Variants in AGAP1 observed in about 807,000 individuals in gnomAD.
AGAP1 encodes ArfGAP with GTPase domain, ankyrin repeat and PH domain 1.
A neutral mutation model predicts 105.3 loss-of-function variants in AGAP1; 29 were observed. That is an observed-to-expected ratio of 0.28 (90% CI 0.21 to 0.38). AGAP1 has a LOEUF of 0.38. Ranked by LOEUF, AGAP1 falls within the 10% of genes least tolerant of loss-of-function variation. The pLI is 1.00. For synonymous variants in AGAP1, 509 were observed against 485.9 expected, an observed-to-expected ratio of 1.05 and a Z score of -0.63; for missense variants, 998 against 1,165.1, an observed-to-expected ratio of 0.86 and a Z score of 2.09.
chr2:235,562,448 G>A (rs2149138264), intron 1 of AGAP1, among the ~76,000 whole-genome samples: 1 of 152,190 alleles, frequency 6.6e-6, no homozygotes, highest in Admixed American at 6.5e-5. Flanking sequence ...AGCACGGATT[G>A]CACGTGTTTC....
intron 11 of AGAP1, among the ~76,000 whole-genome samples, chr2:235,909,792 G>A (rs574172374): frequency 1.6e-3 from 241 of 152,224 alleles, no homozygotes; most frequent in Middle Eastern, 0.01. Flanking sequence ...AGGCTGAGGC[G>A]GGTGGATCGC....
rs1168809537 is a variant in AGAP1 at position 235,992,131 on chromosome 2, G to C, written c.1645+23508G>C. 6.6e-6 allele frequency among the ~76,000 whole-genome samples: 1 copy of C among 152,236 alleles called. No individual in the cohort carries two copies. The highest frequency in any genetic ancestry group is 1.5e-5 in the Non-Finnish European group (1 of 68,046). ...TCACGAGACCCAGATAACAGGAGTG[G>C]TTAGAAGCGCAGCGGAGGAGCCTGT... On this transcript the variant is annotated intron_variant, in intron 13 of 17. Coordinates refer to ENST00000304032, the MANE Select transcript of AGAP1 (RefSeq NM_001037131.3). The surrounding 1 kb of genome is among the most constrained non-coding windows in gnomAD (Gnocchi z 4.8).
rs1361040583 is a variant in AGAP1, at chr2:235,963,665, A to T, written c.1484-4797A>T. Among the ~76,000 whole-genome samples, 1 of 152,162 alleles carries T rather than the reference A, an allele frequency of 6.6e-6. No individual in the cohort carries two copies. The highest frequency in any genetic ancestry group is 2.4e-5 in the African/African-American group (1 of 41,438). On this transcript the variant is annotated intron_variant, in intron 12 of 17. Coordinates refer to ENST00000304032, the MANE Select transcript of AGAP1 (RefSeq NM_001037131.3). The surrounding 1 kb of genome is among the most constrained non-coding windows in gnomAD (Gnocchi z 5.1). The stretch of plus-strand genomic sequence containing the variant: ...CACTCTTAGAATCTTCCAGGAGCGG[A>T]TGGTGCATGTTAAGGTGGGAAGCTC...
intron 1 of AGAP1, among the ~76,000 whole-genome samples, chr2:235,697,110 C>T (rs114965318): frequency 0.017 from 2,646 of 152,294 alleles, 71 homozygotes; most frequent in African/African-American, 0.059. Context: ...CTGGGACAGC[C>T]CCAGGCACCA....
At chr2:235,860,990 C>T (rs574442075) in intron 9 of AGAP1, among the ~76,000 whole-genome samples, 2 of 152,300 alleles carry the variant, frequency 1.3e-5, no homozygotes, top group Admixed American at 1.3e-4. Flanking sequence ...CTCTTACCAC[C>T]ACAATATCTG....
intron 13 of AGAP1, among the ~76,000 whole-genome samples, chr2:236,028,548 TTAA>T (rs2057126887): frequency 6.6e-6 from 1 of 152,234 alleles, no homozygotes; most frequent in South Asian, 2.1e-4. Context: ...CATTTTGCAA[TTAA>T]TATTTTTGTA....
rs372649210 is a variant in AGAP1 at position 236,102,585 on chromosome 2, T to TAA, written c.2115-17592_2115-17591dup. The stretch of plus-strand genomic sequence containing the variant: ...CCTGGGCGACAGAGTGAGAGACTGT[T>TAA]AAAAAAAAAAAAAAAAGAAAGAAAG... On this transcript the variant is annotated intron_variant, in intron 16 of 17. Coordinates refer to ENST00000304032, the MANE Select transcript of AGAP1 (RefSeq NM_001037131.3). 7.9e-3 allele frequency among the ~76,000 whole-genome samples: 1,065 copies of TAA among 134,570 alleles called. 14 individuals carry two copies. The highest frequency in any genetic ancestry group is 0.027 in the African/African-American group (1,019 of 37,700). The allele number at this position is 134,570 out of a possible 152,430, so 88.3% of individuals were successfully genotyped here. A position where few individuals can be genotyped will look rare whatever the true frequency, so the allele number is the denominator to read the frequency against.
intron 12 of AGAP1, among the ~76,000 whole-genome samples, chr2:235,954,145 A>G (rs2053850620): frequency 1.3e-5 from 2 of 151,984 alleles, no homozygotes; most frequent in South Asian, 4.2e-4. Flanking sequence ...AGGCTGAGGC[A>G]GGAGAATCGC....
In AGAP1 at chr2:235,713,223, GT is replaced by G. The variant is rs139864972; in HGVS notation, c.222+3990del. On this transcript the variant is annotated intron_variant, in intron 2 of 17. Transcript: ENST00000304032. The stretch of plus-strand genomic sequence containing the variant: ...TAAAAATTTAATTCTGTGGCATACT[GT>G]TTTGGATTTTCCCAGCATGAAGCTG... 5.8e-3 allele frequency among the ~76,000 whole-genome samples: 877 copies of G among 152,330 alleles called. 2 individuals are homozygous for G. Among genetic ancestry groups the G allele is most frequent in the Middle Eastern group, 0.01 (3 of 294 alleles).
chr2:235,613,291 C>G (rs191730948), intron 1 of AGAP1, among the ~76,000 whole-genome samples: 1 of 152,154 alleles, frequency 6.6e-6, no homozygotes, highest in Non-Finnish European at 1.5e-5. Flanking sequence ...CCACTGCACC[C>G]GGCCACATTT....
At chr2:235,738,901 A>T (rs1486472812) in intron 3 of AGAP1, among the ~76,000 whole-genome samples, 1 of 152,094 alleles carries the variant, frequency 6.6e-6, no homozygotes, top group Non-Finnish European at 1.5e-5. Flanking sequence ...AATTCACATC[A>T]CCAAGATACA....
chr2:236,018,351 T>C (rs1260251257), intron 13 of AGAP1, among the ~76,000 whole-genome samples: 3 of 152,182 alleles, frequency 2.0e-5, no homozygotes, highest in Non-Finnish European at 2.9e-5. Context: ...AGTAAATGTA[T>C]TGGAGAAAGA....
intron 9 of AGAP1, among the ~76,000 whole-genome samples, chr2:235,821,889 A>G (rs1259222271): frequency 6.6e-6 from 1 of 152,226 alleles, no homozygotes; most frequent in Non-Finnish European, 1.5e-5. Flanking sequence ...TTGATCAGTT[A>G]CTTTGTAGAA....
intron 15 of AGAP1, among the ~76,000 whole-genome samples, chr2:236,043,826 C>T (rs1440339016): frequency 6.6e-6 from 1 of 151,810 alleles, no homozygotes; most frequent in Non-Finnish European, 1.5e-5. Flanking sequence ...ATGAACCTAA[C>T]GAGTATTTAC....
At chr2:235,533,196 T>G (rs1943101117) in intron 1 of AGAP1, among the ~76,000 whole-genome samples, 1 of 152,198 alleles carries the variant, frequency 6.6e-6, no homozygotes, top group South Asian at 2.1e-4. Flanking sequence ...AATCTAATAA[T>G]GGTTCATTAA....
chr2:235,815,352 G>GT (rs1406787945), intron 9 of AGAP1, among the ~76,000 whole-genome samples: 1 of 152,172 alleles, frequency 6.6e-6, no homozygotes, highest in Non-Finnish European at 1.5e-5. Flanking sequence ...GTCCTCCCGT[G>GT]GCCTGGACTC....
chr2:235,846,376 T>C (rs1961492922), intron 9 of AGAP1, among the ~76,000 whole-genome samples: 1 of 152,142 alleles, frequency 6.6e-6, no homozygotes, highest in Non-Finnish European at 1.5e-5. Flanking sequence ...CAGGCTGGAG[T>C]GCAGTGGTGC....
rs1164925574 is a variant in AGAP1 at position 235,999,308 on chromosome 2, ATGGTGG to A, written c.1645+30703_1645+30708del. Among the ~76,000 whole-genome samples the A allele has an allele frequency of 1.8e-3, 55 of 30,346 alleles. 1 individual carries two copies. Among genetic ancestry groups the A allele is most frequent in the Admixed American group, 3.8e-3 (16 of 4,210 alleles). The allele number at this position is 30,346 out of a possible 152,430, so 19.9% of individuals were successfully genotyped here. On this transcript the variant is annotated intron_variant, in intron 13 of 17. Coordinates refer to ENST00000304032, the MANE Select transcript of AGAP1 (RefSeq NM_001037131.3). The stretch of plus-strand genomic sequence containing the variant: ...CTGAGAGGTGGTGGTGGTGATGGTG[ATGGTGG>A]TGGTGGTGGTGGTGGTGATGATGAT...
chr2:235,921,153 G>A (rs886541446), intron 11 of AGAP1, among the ~76,000 whole-genome samples: 1 of 152,182 alleles, frequency 6.6e-6, no homozygotes, highest in Non-Finnish European at 1.5e-5. Flanking sequence ...GATGTCCTTT[G>A]CAGTGTTGTT....
Sources: allele counts gnomAD v4.1 joint callset (sites outside exome capture counted in the v4.1 genomes callset), GRCh38; gene constraint gnomAD v4.1.1; non-coding constraint Gnocchi (gnomAD v3.1); transcripts MANE v1.5; gene names NCBI Gene and HGNC (gene_info 2026-07-23, HGNC 2026-07-21).